The following TMEM132D variants were observed in gnomAD, a reference collection of about 807,000 sequenced individuals.
TMEM132D encodes transmembrane protein 132D.
In TMEM132D, 21 loss-of-function variants were observed where a neutral mutation model predicts 62.3. The ratio of observed to expected loss-of-function variants is 0.34; its 90% confidence interval spans 0.24 to 0.49. The LOEUF is 0.49. Among genes scored for constraint, TMEM132D ranks in the 20% least tolerant of loss-of-function variants. TMEM132D has a pLI of 0.99. For synonymous variants in TMEM132D, 621 were observed against 575.6 expected, an observed-to-expected ratio of 1.08 and a Z score of -1.13; for missense variants, 1,346 against 1,402.8, an observed-to-expected ratio of 0.96 and a Z score of 0.65.
At chr12:129,319,950 G>A (rs1007805166) in intron 4 of TMEM132D, among the ~76,000 whole-genome samples, 3 of 152,184 alleles carry the variant, frequency 2.0e-5, no homozygotes, top group African/African-American at 4.8e-5. Flanking sequence ...CCAGTGAGAT[G>A]ATATTTTAGA....
chr12:129,528,571 C>T (rs1392111395), intron 3 of TMEM132D, among the ~76,000 whole-genome samples: 2 of 152,202 alleles, frequency 1.3e-5, no homozygotes, highest in African/African-American at 4.8e-5. Flanking sequence ...CTTCTTGGGA[C>T]ATAGTGTGCT....
chr12:129,663,110 C>CA (rs1880283933), intron 2 of TMEM132D, among the ~76,000 whole-genome samples: 1 of 151,668 alleles, frequency 6.6e-6, no homozygotes, highest in Non-Finnish European at 1.5e-5. Flanking sequence ...AGGTGAAAGG[C>CA]AAAAGGCATA....
intron 5 of TMEM132D, among the ~76,000 whole-genome samples, chr12:129,106,608 G>C (rs890999948): frequency 6.6e-6 from 1 of 152,096 alleles, no homozygotes; most frequent in Non-Finnish European, 1.5e-5. Flanking sequence ...TTGTGGGCTT[G>C]GGAGAAGGTT....
At chr12:129,284,488 A>T (rs1485705122) in intron 4 of TMEM132D, among the ~76,000 whole-genome samples, 1 of 152,246 alleles carries the variant, frequency 6.6e-6, no homozygotes, top group African/African-American at 2.4e-5. Flanking sequence ...AAACCATGAC[A>T]TCTGCCACAC....
At chr12:129,420,252 C>G (rs975039793) in intron 3 of TMEM132D, among the ~76,000 whole-genome samples, 15 of 149,826 alleles carry the variant, frequency 1.0e-4, no homozygotes, top group African/African-American at 3.7e-4. Context: ...TTCATATTCT[C>G]TAAGTATCCC....
chr12:129,369,858 T>C (rs2135680128), intron 3 of TMEM132D, among the ~76,000 whole-genome samples: 1 of 152,308 alleles, frequency 6.6e-6, no homozygotes, highest in Admixed American at 6.5e-5. Context: ...TTCGCATGCT[T>C]GTAAGCTCTC....
chr12:129,787,788 A>C (rs1246044018), intron 1 of TMEM132D, among the ~76,000 whole-genome samples: 1 of 152,178 alleles, frequency 6.6e-6, no homozygotes, highest in Non-Finnish European at 1.5e-5. Context: ...ATGCCTCATC[A>C]CACTTGGGGG....
At chr12:129,781,190 G>A (rs1054035671) in intron 1 of TMEM132D, among the ~76,000 whole-genome samples, 44 of 152,220 alleles carry the variant, frequency 2.9e-4, no homozygotes, top group African/African-American at 9.2e-4. Context: ...TACAGAAACC[G>A]CCACATGTCT....
chr12:129,454,694 G>T (rs1307877052), intron 3 of TMEM132D, among the ~76,000 whole-genome samples: 2 of 152,164 alleles, frequency 1.3e-5, no homozygotes, highest in Non-Finnish European at 2.9e-5. Flanking sequence ...TTTAGCTGTT[G>T]CAGGAACCAA....
At chr12:129,444,209 T>G (rs1187950092) in intron 3 of TMEM132D, among the ~76,000 whole-genome samples, 1 of 152,146 alleles carries the variant, frequency 6.6e-6, no homozygotes, top group Non-Finnish European at 1.5e-5. Context: ...AGCAAAGATT[T>G]CATGATGAAG....
intron 4 of TMEM132D, among the ~76,000 whole-genome samples, chr12:129,248,917 T>C (rs1236591113): frequency 6.6e-6 from 1 of 152,206 alleles, no homozygotes; most frequent in Non-Finnish European, 1.5e-5. Flanking sequence ...ATGGTGTATA[T>C]GTACCACTTT....
At chr12:129,565,589 C>T (rs965365210) in intron 2 of TMEM132D, among the ~76,000 whole-genome samples, 1 of 152,228 alleles carries the variant, frequency 6.6e-6, no homozygotes, top group Admixed American at 6.5e-5. Context: ...AGGAGGGGGT[C>T]ATTCAATGGG....
At chr12:129,126,664 G>A (rs931606132) in intron 5 of TMEM132D, among the ~76,000 whole-genome samples, 2 of 152,128 alleles carry the variant, frequency 1.3e-5, no homozygotes, top group African/African-American at 2.4e-5. Flanking sequence ...AGGGGCTTAT[G>A]TTACGTATGG....
intron 3 of TMEM132D, among the ~76,000 whole-genome samples, chr12:129,464,987 A>C (rs1369929594): frequency 1.8e-4 from 4 of 21,980 alleles, no homozygotes; most frequent in Middle Eastern, 0.02. Flanking sequence ...ACTTTAAAGT[A>C]GTTTTTTCCA....
chr12:129,163,740 C>G (rs1276074647), intron 5 of TMEM132D, among the ~76,000 whole-genome samples: 1 of 152,258 alleles, frequency 6.6e-6, no homozygotes, highest in East Asian at 1.9e-4. Context: ...GGGTGCTTCC[C>G]CATCCCGGCA....
intron 1 of TMEM132D, among the ~76,000 whole-genome samples, chr12:129,735,390 C>T (rs895745839): frequency 1.3e-5 from 2 of 152,162 alleles, no homozygotes; most frequent in African/African-American, 4.8e-5. Flanking sequence ...AAGTACAGTA[C>T]TTATGTATAT....
At chr12:129,289,006 T>C (rs1340860409) in intron 4 of TMEM132D, among the ~76,000 whole-genome samples, 1 of 152,178 alleles carries the variant, frequency 6.6e-6, no homozygotes, top group East Asian at 1.9e-4. Flanking sequence ...ATGAATTGTA[T>C]TGTATTATTT....
chr12:129,825,273 C>T (rs1337189406), intron 1 of TMEM132D, among the ~76,000 whole-genome samples: 2 of 151,912 alleles, frequency 1.3e-5, no homozygotes, highest in Non-Finnish European at 2.9e-5. Flanking sequence ...CCGCCTTGGC[C>T]CCCCCAAACT....
intron 1 of TMEM132D, among the ~76,000 whole-genome samples, chr12:129,782,458 G>A (rs943892503): frequency 5.9e-5 from 9 of 152,194 alleles, no homozygotes; most frequent in Non-Finnish European, 5.9e-5. Context: ...TGGGGTGCCC[G>A]TGGGGGTGGC....
Sources: allele counts gnomAD v4.1 joint callset (sites outside exome capture counted in the v4.1 genomes callset), GRCh38; gene constraint gnomAD v4.1.1; transcripts MANE v1.5; gene names NCBI Gene and HGNC (gene_info 2026-07-23, HGNC 2026-07-21).